ZNF385D: variants seen among roughly 807,000 people sequenced by gnomAD.
ZNF385D encodes zinc finger protein 385D.
A neutral mutation model predicts 35.8 loss-of-function variants in ZNF385D; 15 were observed. The ratio of observed to expected loss-of-function variants is 0.42; its 90% confidence interval spans 0.28 to 0.64. The LOEUF (loss-of-function observed/expected upper bound fraction) is 0.64, where lower values mean the gene tolerates loss of function less well. ZNF385D is among the 30% of genes least tolerant of loss of function. The pLI, the probability that ZNF385D is intolerant of heterozygous loss-of-function variation, is 0.23. For synonymous variants in ZNF385D, 212 were observed against 186.8 expected (o/e 1.13, Z -1.10); for missense variants, 474 against 494.6 (o/e 0.96, Z 0.39).
intron 1 of ZNF385D, among the ~76,000 whole-genome samples, chr3:21,721,591 T>A (rs1368334196): frequency 6.6e-6 from 1 of 152,154 alleles, no homozygotes; most frequent in African/African-American, 2.4e-5. Context: ...GCTACCTAAT[T>A]TACTTTAAAA....
Position 21,793,601 on chromosome 3 carries a change from TA to T in ZNF385D, c.326-128574del, listed in dbSNP as rs546772465. Among the ~76,000 whole-genome samples the T allele has an allele frequency of 2.6e-5, 4 of 152,278 alleles. No individual in the cohort carries two copies. In the South Asian group the frequency reaches 8.3e-4, roughly 32 times the overall value. Reference sequence around the variant, plus strand: ...CCACTTCCTAAGGCTGATCTTCAGGTAAAAAAACTGAGGCCTGCAGAGCCTA... The same window carrying T: ...CCACTTCCTAAGGCTGATCTTCAGGTAAAAAACTGAGGCCTGCAGAGCCTA... On this transcript the variant is annotated intron_variant, in intron 3 of 5. Coordinates refer to the ZNF385D transcript ENST00000494108.
At chr3:21,934,796 G>A (rs935480056) in intron 3 of ZNF385D, among the ~76,000 whole-genome samples, 1 of 152,168 alleles carries the variant, frequency 6.6e-6, no homozygotes, top group Non-Finnish European at 1.5e-5. Flanking sequence ...ACTAACAGAT[G>A]AGCTTGTTTT....
intron 2 of ZNF385D, among the ~76,000 whole-genome samples, chr3:21,609,721 G>A (rs1007322026): frequency 6.6e-6 from 1 of 152,154 alleles, no homozygotes; most frequent in Non-Finnish European, 1.5e-5. Context: ...ACTTATCTCT[G>A]GGATTCTTTT....
At chr3:22,364,300 A>T (rs142663513) in intron 2 of ZNF385D, among the ~76,000 whole-genome samples, 1 of 152,108 alleles carries the variant, frequency 6.6e-6, no homozygotes, top group Non-Finnish European at 1.5e-5. Context: ...CAAAAAGGCC[A>T]TATCAACAAA....
intron 3 of ZNF385D, among the ~76,000 whole-genome samples, chr3:22,016,172 T>G (rs1294152394): frequency 6.6e-6 from 1 of 152,086 alleles, no homozygotes; most frequent in African/African-American, 2.4e-5. Context: ...CAACCAGCAG[T>G]GATTTTTCTT....
chr3:22,243,820 C>T (rs1159450824), intron 2 of ZNF385D, among the ~76,000 whole-genome samples: 5 of 150,766 alleles, frequency 3.3e-5, no homozygotes, highest in Admixed American at 3.3e-4. Flanking sequence ...ATGGTCAGTA[C>T]TCCAGATATG....
At chr3:22,112,018 A>G (rs1051870938) in intron 3 of ZNF385D, among the ~76,000 whole-genome samples, 4 of 152,158 alleles carry the variant, frequency 2.6e-5, no homozygotes, top group African/African-American at 9.6e-5. Context: ...CAGACATTTT[A>G]CCCTGCTCTA....
chr3:22,324,680 A>T (rs1205895790), intron 2 of ZNF385D, among the ~76,000 whole-genome samples: 3 of 152,224 alleles, frequency 2.0e-5, no homozygotes, highest in Non-Finnish European at 1.5e-5. Context: ...ATAAAATTTG[A>T]CAAGCTAATT....
At chr3:22,279,969 A>G (rs1228313292) in intron 2 of ZNF385D, among the ~76,000 whole-genome samples, 1 of 152,026 alleles carries the variant, frequency 6.6e-6, no homozygotes, top group Admixed American at 6.6e-5. Flanking sequence ...TTTTAAAATT[A>G]TGGCCATTCT....
chr3:21,414,504 C>T lies in ZNF385D; in HGVS notation c.*6710G>A, dbSNP rs1004891942. 4.6e-5 allele frequency: 7 copies of T among 152,012 alleles called. No homozygotes were observed. Among genetic ancestry groups the T allele is most frequent in the African/African-American group, 7.2e-5 (3 of 41,406 alleles). The allele number at this position is 152,012 out of a possible 1,614,324, so 9.4% of individuals were successfully genotyped here. On this transcript the variant is annotated 3_prime_UTR_variant, in exon 8 of 8. Coordinates refer to ENST00000281523, the MANE Select transcript of ZNF385D (RefSeq NM_024697.3). ...TGTAACTATAAGTCACATTTTAAAA[C>T]GACTTTATGAAATTTATAGAAATAT...
chr3:22,107,433 A>C (rs1449117301), intron 3 of ZNF385D, among the ~76,000 whole-genome samples: 2 of 152,042 alleles, frequency 1.3e-5, no homozygotes, highest in African/African-American at 4.8e-5. Flanking sequence ...CATGGGGAAA[A>C]AAGCAAAGTT....
intron 4 of ZNF385D, among the ~76,000 whole-genome samples, chr3:21,496,638 T>C (rs1705915064): frequency 6.7e-6 from 1 of 150,056 alleles, no homozygotes; most frequent in African/African-American, 2.5e-5. Flanking sequence ...TGAACATAGA[T>C]GCCAAAGTCC....
chr3:21,480,794 A>C (rs1004595636), intron 4 of ZNF385D, among the ~76,000 whole-genome samples: 18 of 152,320 alleles, frequency 1.2e-4, no homozygotes, highest in Admixed American at 7.2e-4. Flanking sequence ...CAAAGTAGCA[A>C]GTAATTTAAA....
In ZNF385D at chr3:21,757,597, A is replaced by C. The variant is rs1453403550; in HGVS notation, c.326-92569T>G. On this transcript the variant is annotated intron_variant, in intron 3 of 5. Coordinates refer to the ZNF385D transcript ENST00000494108. ...ATTGACTCAAAAAAAATAGTTGTTG[A>C]GTACTCCCGTGCCAAGTACTGTCCT... 8.5e-5 allele frequency among the ~76,000 whole-genome samples: 13 copies of C among 152,190 alleles called. No homozygotes were observed. In the East Asian group the frequency reaches 2.5e-3, roughly 29 times the overall value.
At chr3:21,516,974 T>A (rs1404847495) in intron 3 of ZNF385D, among the ~76,000 whole-genome samples, 1 of 152,024 alleles carries the variant, frequency 6.6e-6, no homozygotes, top group Non-Finnish European at 1.5e-5. Context: ...TTTGTTTTTT[T>A]AAAAAAATCT....
chr3:21,753,766 G>GGTT (rs35233792), upstream of ZNF385D, among the ~76,000 whole-genome samples: 780 of 148,042 alleles, frequency 5.3e-3, 13 homozygotes, highest in African/African-American at 0.019. Flanking sequence ...CAACTTTGGT[G>GGTT]GTTGTTGTTG....
At chr3:21,468,860 C>T (rs1394086451) in intron 4 of ZNF385D, among the ~76,000 whole-genome samples, 1 of 151,934 alleles carries the variant, frequency 6.6e-6, no homozygotes, top group African/African-American at 2.4e-5. Flanking sequence ...ACTTGGGAGA[C>T]AGAGATTGCA....
At chr3:21,774,265 G>A (rs1420374225) in intron 3 of ZNF385D, among the ~76,000 whole-genome samples, 1 of 151,750 alleles carries the variant, frequency 6.6e-6, no homozygotes, top group Non-Finnish European at 1.5e-5. Context: ...ACGGGGGCCT[G>A]TCAGAGGGTG....
At chr3:22,064,887 A>C (rs1278119012) in intron 3 of ZNF385D, among the ~76,000 whole-genome samples, 52 of 152,120 alleles carry the variant, frequency 3.4e-4, no homozygotes, top group Admixed American at 3.4e-3. Flanking sequence ...GATTACAGTA[A>C]GTAACAATGC....
Sources: allele counts gnomAD v4.1 joint callset (sites outside exome capture counted in the v4.1 genomes callset), GRCh38; gene constraint gnomAD v4.1.1; transcripts MANE v1.5; gene names NCBI Gene and HGNC (gene_info 2026-07-23, HGNC 2026-07-21).